Variants in ZNF385D observed in about 807,000 individuals in gnomAD.
ZNF385D encodes zinc finger protein 385D.
In ZNF385D, 15 loss-of-function variants were observed where a neutral mutation model predicts 35.8. The ratio of observed to expected loss-of-function variants is 0.42; its 90% CI spans 0.28 to 0.64. The LOEUF (loss-of-function observed/expected upper bound fraction) is 0.64. Ranked by LOEUF, ZNF385D falls within the 30% of genes least tolerant of loss-of-function variation. The pLI is 0.23. For synonymous variants in ZNF385D, 212 were observed against 186.8 expected (o/e 1.13, Z -1.10); for missense variants, 474 against 494.6 (o/e 0.96, Z 0.39).
intron 3 of ZNF385D, among the ~76,000 whole-genome samples, chr3:21,879,103 A>T (rs564739620): frequency 3.9e-5 from 6 of 152,152 alleles, no homozygotes; most frequent in Admixed American, 3.9e-4. Context: ...CAAGATAGAA[A>T]CACTTTGCTT....
chr3:21,823,767 C>T (rs539695230), intron 3 of ZNF385D, among the ~76,000 whole-genome samples: 1 of 152,070 alleles, frequency 6.6e-6, no homozygotes, highest in African/African-American at 2.4e-5. Flanking sequence ...CACGTACTAC[C>T]TACATATGAT....
At chr3:21,716,666 C>G (rs998848912) in intron 1 of ZNF385D, among the ~76,000 whole-genome samples, 11 of 152,134 alleles carry the variant, frequency 7.2e-5, no homozygotes, top group Non-Finnish European at 1.5e-5. Context: ...TTCACCCTCC[C>G]CTTCTTCATT....
At chr3:21,602,345 T>C (rs1182008421) in intron 2 of ZNF385D, among the ~76,000 whole-genome samples, 1 of 151,964 alleles carries the variant, frequency 6.6e-6, no homozygotes, top group Non-Finnish European at 1.5e-5. Context: ...AAGCTAGTTG[T>C]GGACAATCTA....
intron 1 of ZNF385D, among the ~76,000 whole-genome samples, chr3:21,736,700 G>A (rs954995771): frequency 6.6e-6 from 1 of 152,160 alleles, no homozygotes; most frequent in African/African-American, 2.4e-5. Flanking sequence ...GAATAGAAGT[G>A]AAATAGAGAA....
intron 3 of ZNF385D, among the ~76,000 whole-genome samples, chr3:21,895,313 G>A (rs1210024703): frequency 7.6e-6 from 1 of 131,876 alleles, no homozygotes; most frequent in Non-Finnish European, 1.6e-5. Flanking sequence ...TCACTGAAAT[G>A]TGTGGCTTTT....
intron 2 of ZNF385D, among the ~76,000 whole-genome samples, chr3:22,301,833 T>C (rs1702917724): frequency 6.6e-6 from 1 of 152,118 alleles, no homozygotes; most frequent in Non-Finnish European, 1.5e-5. Flanking sequence ...ATTGTCCTGT[T>C]GATTTTTAAA....
chr3:21,704,852 G>C (rs927915575), intron 1 of ZNF385D, among the ~76,000 whole-genome samples: 1 of 152,108 alleles, frequency 6.6e-6, no homozygotes, highest in Non-Finnish European at 1.5e-5. Context: ...TTCTCACATA[G>C]TGCTAGAAAA....
At chr3:21,889,658 A>T (rs142738276) in intron 3 of ZNF385D, among the ~76,000 whole-genome samples, 32 of 152,286 alleles carry the variant, frequency 2.1e-4, no homozygotes, top group African/African-American at 7.0e-4. Context: ...AGCATAGAGA[A>T]GAGTACTTGG....
At chr3:21,719,117 G>C (rs1284427836) in intron 1 of ZNF385D, among the ~76,000 whole-genome samples, 1 of 152,124 alleles carries the variant, frequency 6.6e-6, no homozygotes, top group Non-Finnish European at 1.5e-5. Flanking sequence ...TAAAGCCCAG[G>C]CAAAGGTATA....
At chr3:22,098,652 G>A (rs1178638109) in intron 3 of ZNF385D, among the ~76,000 whole-genome samples, 1 of 151,986 alleles carries the variant, frequency 6.6e-6, no homozygotes, top group African/African-American at 2.4e-5. Flanking sequence ...GTAGGCATGG[G>A]TGCAAATGAC....
At chr3:21,448,009 A>C (rs1299336154) in intron 4 of ZNF385D, among the ~76,000 whole-genome samples, 1 of 152,180 alleles carries the variant, frequency 6.6e-6, no homozygotes, top group Non-Finnish European at 1.5e-5. Context: ...TTGTATGTGC[A>C]AGAGTTATAA....
intron 2 of ZNF385D, among the ~76,000 whole-genome samples, chr3:21,658,031 A>T (rs1487636360): frequency 6.6e-6 from 1 of 152,002 alleles, no homozygotes; most frequent in African/African-American, 2.4e-5. Context: ...AAGATAATAA[A>T]AACGTGAAAT....
At chr3:21,973,847 T>C (rs1453260183) in intron 3 of ZNF385D, among the ~76,000 whole-genome samples, 1 of 151,770 alleles carries the variant, frequency 6.6e-6, no homozygotes, top group African/African-American at 2.4e-5. Context: ...TAAAATTAAA[T>C]ATCTGGGAAT....
In ZNF385D at chr3:21,559,428, T is replaced by G. The variant is rs200362598; in HGVS notation, c.276+5146A>C. On this transcript the variant is annotated intron_variant, in intron 3 of 7. Transcript: ENST00000281523. Reference sequence around the variant, plus strand: ...TCTCCTTCACTTACAAAGCTTAGTTTGCCTGGATAGGAAATTCTGGGTTGA... The same window carrying G: ...TCTCCTTCACTTACAAAGCTTAGTTGGCCTGGATAGGAAATTCTGGGTTGA... 1.2e-4 allele frequency among the ~76,000 whole-genome samples: 19 copies of G among 152,312 alleles called. No homozygotes were observed. The East Asian group carries it at 3.7e-3, about 29-fold the overall frequency.
At chr3:22,225,202 G>A (rs753055778) in intron 2 of ZNF385D, among the ~76,000 whole-genome samples, 1 of 152,076 alleles carries the variant, frequency 6.6e-6, no homozygotes, top group Non-Finnish European at 1.5e-5. Flanking sequence ...TATGCCCTTA[G>A]GAAAAGATAA....
At chr3:21,610,103 C>G (rs2064621977) in intron 2 of ZNF385D, among the ~76,000 whole-genome samples, 1 of 150,412 alleles carries the variant, frequency 6.6e-6, no homozygotes, top group African/African-American at 2.5e-5. Context: ...TTTCAAAGAC[C>G]CTAAAATTAT....
At chr3:22,160,010 A>G (rs537160683) in intron 3 of ZNF385D, among the ~76,000 whole-genome samples, 1 of 152,068 alleles carries the variant, frequency 6.6e-6, no homozygotes, top group East Asian at 1.9e-4. Flanking sequence ...ATGTGGGGGT[A>G]ATTGAATCAT....
chr3:22,183,646 T>C (rs1208775932), intron 2 of ZNF385D, among the ~76,000 whole-genome samples: 2 of 152,182 alleles, frequency 1.3e-5, no homozygotes, highest in Admixed American at 6.6e-5. Context: ...CCAAGGATTC[T>C]TTATGAAAGT....
chr3:22,058,506 A>C (rs554936313), intron 3 of ZNF385D, among the ~76,000 whole-genome samples: 1 of 152,314 alleles, frequency 6.6e-6, no homozygotes, highest in South Asian at 2.1e-4. Flanking sequence ...AAGTGAGGCA[A>C]TGTTTCCAAC....
Sources: gnomAD v4.1 joint callset for allele counts (sites outside exome capture counted in the v4.1 genomes callset) on GRCh38, gnomAD v4.1.1 for gene constraint, MANE v1.5 for transcripts, NCBI Gene and HGNC (gene_info 2026-07-23, HGNC 2026-07-21) for gene names.